The following SHROOM3 variants were observed in gnomAD, a reference collection of about 807,000 sequenced individuals.
SHROOM3 encodes protein Shroom3.
Under a neutral mutation model 138.6 loss-of-function variants are expected in SHROOM3, and 47 were observed. The observed-to-expected ratio is 0.34, with a 90% confidence interval of 0.27 to 0.43. The LOEUF (loss-of-function observed/expected upper bound fraction) is 0.43. Ranked by LOEUF, SHROOM3 falls within the 20% of genes least tolerant of loss-of-function variation. SHROOM3 has a pLI of 1.00. For missense variants in SHROOM3, 2,491 were observed against 2,596.5 expected, an observed-to-expected ratio of 0.96 and a Z score of 0.88; for synonymous variants, 1,062 against 1,063.3, an observed-to-expected ratio of 1.00 and a Z score of 0.02.
chr4:76,535,658 C>T (rs1342597873), intron 1 of SHROOM3, among the ~76,000 whole-genome samples: 1 of 152,192 alleles, frequency 6.6e-6, no homozygotes, highest in Non-Finnish European at 1.5e-5. Context: ...TTATGGAAAA[C>T]CAGCCTGCAA....
chr4:76,668,507 A>G (rs1269414488), intron 2 of SHROOM3, among the ~76,000 whole-genome samples: 1 of 152,156 alleles, frequency 6.6e-6, no homozygotes, highest in African/African-American at 2.4e-5. Flanking sequence ...AAGGAGGCAG[A>G]GGTTGCAGTG....
intron 1 of SHROOM3, among the ~76,000 whole-genome samples, chr4:76,454,639 A>G (rs535302988): frequency 6.6e-6 from 1 of 152,274 alleles, no homozygotes; most frequent in East Asian, 1.9e-4. Flanking sequence ...TTTTTTTCTT[A>G]GTACTTGGGG....
intron 1 of SHROOM3, among the ~76,000 whole-genome samples, chr4:76,453,668 C>G (rs1309440715): frequency 6.6e-6 from 1 of 152,134 alleles, no homozygotes; most frequent in Non-Finnish European, 1.5e-5. Flanking sequence ...TATTGGCCAT[C>G]AATACATCTT....
intron 1 of SHROOM3, among the ~76,000 whole-genome samples, chr4:76,482,117 C>A (rs1408511178): frequency 6.6e-6 from 1 of 152,142 alleles, no homozygotes; most frequent in African/African-American, 2.4e-5. Context: ...CCCACTCTCA[C>A]CACTCCTATT....
Position 76,776,638 on chromosome 4 carries a change from A to C in SHROOM3, c.5623-2171A>C, listed in dbSNP as rs1482007760. On this transcript the variant is annotated intron_variant, in intron 10 of 10. Transcript: ENST00000296043. ...TTCTGTTGTGCAAAAGAAGCAGTAG[A>C]CGCTTAATATAAATGAATTCAAACT... Among the ~76,000 whole-genome samples the C allele has an allele frequency of 3.3e-5, 5 of 152,348 alleles. No homozygotes were observed. In the East Asian group the frequency reaches 9.6e-4, roughly 29 times the overall value.
chr4:76,680,755 G>A (rs1336098910), intron 2 of SHROOM3, among the ~76,000 whole-genome samples: 1 of 152,134 alleles, frequency 6.6e-6, no homozygotes, highest in African/African-American at 2.4e-5. Flanking sequence ...TGGGGTAAGT[G>A]GTCATCACAA....
chr4:76,493,755 C>T (rs1040624590), intron 1 of SHROOM3, among the ~76,000 whole-genome samples: 2 of 152,096 alleles, frequency 1.3e-5, no homozygotes, highest in Admixed American at 6.5e-5. Context: ...CCAAGGTGGG[C>T]GGATCACAAG....
chr4:76,737,639 G>T (rs900073917), intron 4 of SHROOM3, among the ~76,000 whole-genome samples: 1 of 145,018 alleles, frequency 6.9e-6, no homozygotes, highest in Admixed American at 7.1e-5. Flanking sequence ...GTGTGTAGTG[G>T]TATCTTGGTT....
At chr4:76,580,614 C>T (rs542375034) in intron 2 of SHROOM3, among the ~76,000 whole-genome samples, 88 of 152,070 alleles carry the variant, frequency 5.8e-4, no homozygotes, top group African/African-American at 2.1e-3. Flanking sequence ...TTAGTAGAGA[C>T]GGGGTTTCTC....
intron 4 of SHROOM3, among the ~76,000 whole-genome samples, chr4:76,735,869 ATATATATATAT>A (rs1201164543): frequency 1.4e-4 from 2 of 13,994 alleles, no homozygotes; most frequent in Non-Finnish European, 2.6e-4. Flanking sequence ...AAAAAAAAAA[ATATATATATAT>A]ATATATATAT....
intron 1 of SHROOM3, among the ~76,000 whole-genome samples, chr4:76,518,447 T>G (rs1360563195): frequency 6.6e-6 from 1 of 152,116 alleles, no homozygotes; most frequent in Non-Finnish European, 1.5e-5. Context: ...TTTTATTTCA[T>G]TTTCTTTCCC....
At chr4:76,772,413 ATCTT>A (rs141838609) in intron 10 of SHROOM3, among the ~76,000 whole-genome samples, 9,030 of 151,992 alleles carry the variant, frequency 0.059, 296 homozygotes, top group Non-Finnish European at 0.071. Flanking sequence ...CTACCATACC[ATCTT>A]TCTTTTTCAT....
rs1328177767 is a variant in SHROOM3 at position 76,782,529 on chromosome 4, A to G, written c.*3352A>G. 1 of 152,220 alleles carries G rather than the reference A, an allele frequency of 6.6e-6. No individual in the cohort carries two copies. Among genetic ancestry groups the G allele is most frequent in the East Asian group, 1.9e-4 (1 of 5,206 alleles). The allele number at this position is 152,220 out of a possible 1,614,324, so 9.4% of individuals were successfully genotyped here. A position where few individuals can be genotyped will look rare whatever the true frequency, so the allele number is the denominator to read the frequency against. On this transcript the variant is annotated 3_prime_UTR_variant, in exon 11 of 11. Transcript: ENST00000296043. ...CTTTAAACTTGTATGTTATTCAGGC[A>G]TCTCTTATTAAGATACTGGGTCTCT...
intron 2 of SHROOM3, among the ~76,000 whole-genome samples, chr4:76,631,545 T>G (rs187200095): frequency 6.6e-6 from 1 of 151,864 alleles, no homozygotes; most frequent in Admixed American, 6.6e-5. Flanking sequence ...ACCTAAACCA[T>G]AGGAAAGAAC....
intron 2 of SHROOM3, among the ~76,000 whole-genome samples, chr4:76,701,604 G>A (rs1248729562): frequency 6.6e-6 from 1 of 152,230 alleles, no homozygotes; most frequent in Non-Finnish European, 1.5e-5. Flanking sequence ...GTTCGCTGTA[G>A]AGATTTGTAT....
intron 1 of SHROOM3, among the ~76,000 whole-genome samples, chr4:76,497,176 T>C (rs904890867): frequency 6.6e-6 from 1 of 152,222 alleles, no homozygotes; most frequent in Non-Finnish European, 1.5e-5. Flanking sequence ...CACTTTAACA[T>C]TGTATGATTT....
intron 10 of SHROOM3, 53 bp downstream of exon 10, chr4:76,770,951 A>C: frequency 6.2e-7 from 1 of 1,607,998 alleles, no homozygotes; most frequent in Non-Finnish European, 8.5e-7. Flanking sequence ...GCCCACATAC[A>C]TAGAGAGGCG....
At chr4:76,468,982 T>C (rs1288820301) in intron 1 of SHROOM3, among the ~76,000 whole-genome samples, 1 of 148,164 alleles carries the variant, frequency 6.7e-6, no homozygotes, top group African/African-American at 2.5e-5. Context: ...TGCAGTGAGC[T>C]GAGATGGTGC....
At chr4:76,514,038 C>G (rs1732395290) in intron 1 of SHROOM3, among the ~76,000 whole-genome samples, 2 of 152,120 alleles carry the variant, frequency 1.3e-5, no homozygotes, top group Admixed American at 6.5e-5. Flanking sequence ...AATTTTTAAG[C>G]CGTTCACTGG....
Sources: gnomAD v4.1 joint callset for allele counts (sites outside exome capture counted in the v4.1 genomes callset) on GRCh38, gnomAD v4.1.1 for gene constraint, MANE v1.5 for transcripts, NCBI Gene and HGNC (gene_info 2026-07-23, HGNC 2026-07-21) for gene names.